Variants in PIAS4 observed in about 807,000 individuals in gnomAD.
PIAS4 encodes the protein E3 SUMO-protein ligase PIAS4.
A neutral mutation model predicts 58.0 loss-of-function variants in PIAS4; 7 were observed. The observed-to-expected ratio is 0.12, with a 90% CI of 0.07 to 0.23. The LOEUF (loss-of-function observed/expected upper bound fraction) is 0.23, where lower values mean the gene tolerates loss of function less well. Ranked by LOEUF, PIAS4 falls within the 10% of genes least tolerant of loss-of-function variation. The pLI is 1.00. For synonymous variants in PIAS4, 364 were observed against 312.4 expected, an observed-to-expected ratio of 1.17 and a Z score of -1.74; for missense variants, 550 against 709.5, an observed-to-expected ratio of 0.78 and a Z score of 2.55.
rs2040305762 is a variant in PIAS4, at chr19:4,037,071, A to AC, written c.1143-299dup. Among the ~76,000 whole-genome samples the AC allele has an allele frequency of 6.6e-6, 1 of 151,486 alleles. No homozygotes were observed. The highest frequency in any genetic ancestry group is 2.1e-4 in the South Asian group (1 of 4,814). ...TGCCCAGAGGGGCAGGGTGGGGAGG[A>AC]CCCCTGCAGCTGCCACACTCCCTGC... On this transcript the variant is annotated intron_variant, in intron 9 of 10. Coordinates refer to ENST00000262971, the MANE Select transcript of PIAS4 (RefSeq NM_015897.4). This position sits in a 1 kb window ranked among gnomAD's most constrained non-coding sequence, Gnocchi z 5.8.
Position 4,037,551 on chromosome 19 carries a change from C to T in PIAS4, c.1273+47C>T. The T allele has an allele frequency of 6.2e-7, 1 of 1,607,686 alleles. No individual in the cohort carries two copies. Among genetic ancestry groups the T allele is most frequent in the South Asian group, 1.1e-5 (1 of 91,078 alleles). ...CCGCGCAGTCCGCAGCCAGGGCCGCCTCAGTTTCCCCATTTATCAGTGGTT... is the reference window on the plus strand; with the variant it reads ...CCGCGCAGTCCGCAGCCAGGGCCGCTTCAGTTTCCCCATTTATCAGTGGTT... On this transcript the variant is annotated intron_variant, in intron 10 of 10. Transcript: ENST00000262971. This position sits in a 1 kb window ranked among gnomAD's most constrained non-coding sequence, Gnocchi z 5.8.
rs371091185 is a variant in PIAS4, at chr19:4,028,576, C to G, written c.648C>G (p.Val216=). The stretch of plus-strand genomic sequence containing the variant: ...ACCCGCCCAACATCGCTGTGAAGGT[C>G]AACCACAGCTACTGCTCCGTCCCGG... The part of the protein sequence containing the change: ...DQYPPNIAVK[V]NHSYCSVPGY... The change falls in exon 5 of 11, where the codon GTC becomes GTG. Residue 216 remains valine, a synonymous_variant. Transcript: ENST00000262971. The G allele has an allele frequency of 1.9e-5, 30 of 1,612,886 alleles. 1 individual carries two copies. In the African/African-American group the frequency reaches 2.1e-4, roughly 11 times the overall value.
chr19:4,033,819 G>A (rs1022634874), intron 9 of PIAS4, among the ~76,000 whole-genome samples: 2 of 152,320 alleles, frequency 1.3e-5, no homozygotes, highest in South Asian at 2.1e-4. Flanking sequence ...GGTGGGCTCC[G>A]GTCCACCCCG....
intron 2 of PIAS4, among the ~76,000 whole-genome samples, chr19:4,022,374 G>C (rs935104605): frequency 6.6e-6 from 1 of 151,770 alleles, no homozygotes; most frequent in African/African-American, 2.4e-5. Context: ...TTTTGAGACA[G>C]AGTCTCGCTC....
intron 1 of PIAS4, among the ~76,000 whole-genome samples, chr19:4,008,727 C>T (rs1388452568): frequency 6.6e-6 from 1 of 152,114 alleles, no homozygotes; most frequent in Non-Finnish European, 1.5e-5. Context: ...ACCTTGGCTG[C>T]TTCTCCTATT....
chr19:4,033,695 C>A, intron 9 of PIAS4, 115 bp downstream of exon 9: 1 of 873,486 alleles, frequency 1.1e-6, no homozygotes, highest in South Asian at 1.7e-5. Flanking sequence ...AGTGGGGGCA[C>A]ATGGTCCTGG....
In PIAS4 at chr19:4,033,906, G is replaced by A. The variant is rs910160087; in HGVS notation, c.1142+326G>A. Among the ~76,000 whole-genome samples the A allele has an allele frequency of 3.3e-5, 5 of 152,306 alleles. No individual in the cohort carries two copies. In the South Asian group the frequency reaches 8.3e-4, roughly 25 times the overall value. On this transcript the variant is annotated intron_variant, in intron 9 of 10. Transcript: ENST00000262971. ...GTGCCACAAAAAACTGAGCCAGGTC[G>A]TGCTTTCACACGGCGTTCACCCCAG...
At position 4,028,188 on chromosome 19, in the gene PIAS4, G is replaced by T; in HGVS notation, c.581+1G>T. 6.2e-7 allele frequency: 1 copy of T among 1,611,388 alleles called. No homozygotes were observed. ...TTAAAGCCGTGCAGGTCGTCCTGAG[G>T]TATGCCCAGGTGTGCCCGCGACCCC... is the stretch of plus-strand genomic sequence containing the variant. On this transcript the variant is annotated splice_donor_variant, in intron 4 of 10. Transcript: ENST00000262971. LOFTEE classifies it high-confidence loss of function.
chr19:4,022,334 T>G (rs1423582135), intron 2 of PIAS4, among the ~76,000 whole-genome samples: 4 of 152,128 alleles, frequency 2.6e-5, no homozygotes, highest in East Asian at 1.9e-4. Context: ...TTTTGTTTTT[T>G]TTGTTGTTGT....
At chr19:4,019,617 T>C (rs1365679238) in intron 2 of PIAS4, among the ~76,000 whole-genome samples, 1 of 152,134 alleles carries the variant, frequency 6.6e-6, no homozygotes, top group Admixed American at 6.5e-5. Context: ...CCCTGAACCA[T>C]TGCTCCCCTG....
chr19:4,017,421 G>C (rs770065420), intron 2 of PIAS4, among the ~76,000 whole-genome samples: 3 of 152,184 alleles, frequency 2.0e-5, no homozygotes, highest in Non-Finnish European at 4.4e-5. Flanking sequence ...GGGTAGAGTG[G>C]TCGGCATCAC....
chr19:4,013,191 C>T lies in PIAS4; in HGVS notation c.296C>T (p.Thr99Ile). 3 of 1,613,516 alleles carry T rather than the reference C, an allele frequency of 1.9e-6. No individual in the cohort carries two copies. Among genetic ancestry groups the T allele is most frequent in the Non-Finnish European group, 2.5e-6 (3 of 1,180,022 alleles). The stretch of plus-strand genomic sequence containing the variant: ...GACCGGGCCGGCGCTGTGCCCAGGA[C>T]TCCGCTGGCAGGCCCCAATATTGAC... The part of the protein sequence containing the change: ...TYDRAGAVPR[T>I]PLAGPNIDYP... Residue 99 changes from threonine (T) to isoleucine (I), a missense_variant, in exon 2 of 11, where the codon ACT (threonine) becomes ATT (isoleucine). By Grantham distance (89) the Thr-to-Ile change is moderately conservative (BLOSUM62 -1). Around this residue, in one of 4 missense-constraint regions of PIAS4, gnomAD observed 95 missense variants for 87.5 expected, o/e 1.09. Transcript: ENST00000262971. This position sits in a 1 kb window ranked among gnomAD's most constrained non-coding sequence, Gnocchi z 5.1.
At chr19:4,019,940 A>G (rs142794499) in intron 2 of PIAS4, among the ~76,000 whole-genome samples, 4,553 of 150,748 alleles carry the variant, frequency 0.03, 228 homozygotes, top group African/African-American at 0.11. Context: ...TTTTTTTGAA[A>G]TGGAGTCTCG....
chr19:4,013,872 C>T lies in PIAS4; in HGVS notation c.454+523C>T, dbSNP rs1180441946. ...CACCTCCAAGCTGGGAGCTGGAGCC[C>T]TTTTTATAACCCAACCTCGGACACG... is the stretch of plus-strand genomic sequence containing the variant. On this transcript the variant is annotated intron_variant, in intron 2 of 10. Transcript: ENST00000262971. The surrounding 1 kb of genome is among the most constrained non-coding windows in gnomAD (Gnocchi z 5.1). 2.0e-5 allele frequency among the ~76,000 whole-genome samples: 3 copies of T among 152,104 alleles called. No individual in the cohort carries two copies. Among genetic ancestry groups the T allele is most frequent in the Non-Finnish European group, 4.4e-5 (3 of 67,992 alleles).
intron 7 of PIAS4, among the ~76,000 whole-genome samples, chr19:4,031,784 C>T (rs973958054): frequency 3.3e-5 from 5 of 152,226 alleles, no homozygotes; most frequent in African/African-American, 1.2e-4. Flanking sequence ...AGGAAGTCCT[C>T]ACCTTTGCCT....
At chr19:4,010,194 C>G (rs1044040177) in intron 1 of PIAS4, among the ~76,000 whole-genome samples, 1 of 152,218 alleles carries the variant, frequency 6.6e-6, no homozygotes, top group Non-Finnish European at 1.5e-5. Flanking sequence ...GCTTGTCCCC[C>G]CCGCACTCCC....
chr19:4,033,592 G>T lies in PIAS4; in HGVS notation c.1142+12G>T. On this transcript the variant is annotated intron_variant, in intron 9 of 10. Coordinates refer to ENST00000262971, the MANE Select transcript of PIAS4 (RefSeq NM_015897.4). ...CTCATCATCGACGGGTGAGCCCGGGGCCCCGGGGAGGGCGGCCGGAGCCGG... is the reference window on the plus strand; with the variant it reads ...CTCATCATCGACGGGTGAGCCCGGGTCCCCGGGGAGGGCGGCCGGAGCCGG... The T allele has an allele frequency of 1.3e-6, 2 of 1,591,130 alleles. No homozygotes were observed. The highest frequency in any genetic ancestry group is 1.7e-6 in the Non-Finnish European group (2 of 1,169,530).
chr19:4,014,787 C>A (rs115418242), intron 2 of PIAS4, among the ~76,000 whole-genome samples: 1 of 152,208 alleles, frequency 6.6e-6, no homozygotes, highest in South Asian at 2.1e-4. Context: ...AGCTGGCCCC[C>A]GCTCCCCTGC....
chr19:4,023,993 T>G, intron 2 of PIAS4, 43 bp from the exon 3 acceptor site: 1 of 1,378,472 alleles, frequency 7.3e-7, no homozygotes, highest in Non-Finnish European at 1.0e-6. Flanking sequence ...TCGGGGGACC[T>G]GCCAGGGACC....
Sources: gnomAD v4.1 joint callset for allele counts (sites outside exome capture counted in the v4.1 genomes callset) on GRCh38, gnomAD v4.1.1 for gene constraint, gnomAD v4.1.1 regional missense constraint, Gnocchi (gnomAD v3.1) non-coding constraint, MANE v1.5 for transcripts, NCBI Gene and HGNC (gene_info 2026-07-23, HGNC 2026-07-21) for gene names.